FNDC3B: variants seen among roughly 807,000 people sequenced by gnomAD.
FNDC3B encodes fibronectin type III domain containing 3B.
A neutral mutation model predicts 151.5 loss-of-function variants in FNDC3B; 12 were observed. The observed-to-expected ratio is 0.08, with a 90% CI of 0.05 to 0.13. The LOEUF (loss-of-function observed/expected upper bound fraction) is 0.13, where lower values mean the gene tolerates loss of function less well. Among genes scored for constraint, FNDC3B ranks in the 10% least tolerant of loss-of-function variants. FNDC3B has a pLI of 1.00. For missense variants in FNDC3B, 1,214 were observed against 1,505.3 expected (o/e 0.81, Z 3.20); for synonymous variants, 528 against 549.0 (o/e 0.96, Z 0.54).
chr3:172,195,127 T>TA (rs1428273343), intron 3 of FNDC3B, among the ~76,000 whole-genome samples: 1 of 152,212 alleles, frequency 6.6e-6, no homozygotes, highest in Non-Finnish European at 1.5e-5. Flanking sequence ...GATCTTGAGA[T>TA]AAAAACCTAT....
chr3:172,364,257 A>G (rs968279369), intron 23 of FNDC3B, among the ~76,000 whole-genome samples: 2 of 152,210 alleles, frequency 1.3e-5, no homozygotes, highest in African/African-American at 4.8e-5. Context: ...ATTGTGAACT[A>G]ACAGAAATCA....
At chr3:172,293,656 T>C (rs2108838161) in intron 7 of FNDC3B, among the ~76,000 whole-genome samples, 1 of 152,278 alleles carries the variant, frequency 6.6e-6, no homozygotes. Flanking sequence ...TAGAGAAGGC[T>C]ACTGGGAGGT....
chr3:172,173,539 A>AT (rs1723385732), intron 3 of FNDC3B, among the ~76,000 whole-genome samples: 1 of 151,880 alleles, frequency 6.6e-6, no homozygotes, highest in Non-Finnish European at 1.5e-5. Flanking sequence ...TCACACCTGT[A>AT]ATACCAGCAC....
chr3:172,118,586 A>G (rs140119649), intron 2 of FNDC3B, among the ~76,000 whole-genome samples: 17 of 151,930 alleles, frequency 1.1e-4, no homozygotes, highest in Non-Finnish European at 1.8e-4. Context: ...AAATAACATT[A>G]TAGAAGAGCT....
At chr3:172,223,912 T>C (rs6785343) in intron 3 of FNDC3B, among the ~76,000 whole-genome samples, 117,037 of 152,292 alleles carry the variant, frequency 0.77, 45,232 homozygotes, top group African/African-American at 0.81. Context: ...CGCTTTTGCG[T>C]GTAATGAATT....
intron 3 of FNDC3B, among the ~76,000 whole-genome samples, chr3:172,152,179 T>A (rs1432582525): frequency 6.6e-6 from 1 of 152,202 alleles, no homozygotes; most frequent in Non-Finnish European, 1.5e-5. Flanking sequence ...CAATTCCTCT[T>A]CACAAAAATC....
chr3:172,231,080 AAATGT>A (rs1157698658), intron 4 of FNDC3B, among the ~76,000 whole-genome samples: 1 of 152,262 alleles, frequency 6.6e-6, no homozygotes, highest in Non-Finnish European at 1.5e-5. Flanking sequence ...ATGAATAGGT[AAATGT>A]AATATAATAT....
intron 23 of FNDC3B, among the ~76,000 whole-genome samples, chr3:172,369,890 C>T (rs902427987): frequency 1.3e-5 from 2 of 151,744 alleles, no homozygotes; most frequent in Admixed American, 6.6e-5. Context: ...GAGTAACATA[C>T]GAAATTCTCT....
At chr3:172,388,525 A>G (rs1381449233) in intron 25 of FNDC3B, among the ~76,000 whole-genome samples, 3 of 152,252 alleles carry the variant, frequency 2.0e-5, no homozygotes, top group Admixed American at 1.3e-4. Context: ...GGAAAAGCCC[A>G]TAAGGGTGCC....
At chr3:172,313,469 T>C (rs1488275454) in intron 11 of FNDC3B, among the ~76,000 whole-genome samples, 1 of 152,246 alleles carries the variant, frequency 6.6e-6, no homozygotes, top group Non-Finnish European at 1.5e-5. Flanking sequence ...TATTTAGGAT[T>C]GTCTCTTCTG....
At position 172,184,761 on chromosome 3, in the gene FNDC3B, G is replaced by A. The variant is rs561310208; in HGVS notation, c.188-42110G>A. Among the ~76,000 whole-genome samples the A allele has an allele frequency of 5.6e-4, 86 of 152,312 alleles. 1 individual carries two copies. The highest frequency in any genetic ancestry group is 2.0e-3 in the African/African-American group (85 of 41,574). On this transcript the variant is annotated intron_variant, in intron 3 of 25. Coordinates refer to ENST00000415807, the MANE Select transcript of FNDC3B (RefSeq NM_022763.4). Reference sequence around the variant, plus strand: ...CCAGTCATTCAAGTAACAGTTGTAAGGAATTTTCTTTTGGAATTTTCCTTT... The same window carrying A: ...CCAGTCATTCAAGTAACAGTTGTAAAGAATTTTCTTTTGGAATTTTCCTTT...
chr3:172,243,271 G>A (rs1261095099), intron 4 of FNDC3B, among the ~76,000 whole-genome samples: 5 of 152,080 alleles, frequency 3.3e-5, no homozygotes, highest in Non-Finnish European at 5.9e-5. Context: ...CCACATTTTC[G>A]GGTAACTTTT....
At chr3:172,180,456 T>C (rs61629847) in intron 3 of FNDC3B, among the ~76,000 whole-genome samples, 21,603 of 152,244 alleles carry the variant, frequency 0.14, 1,736 homozygotes, top group Non-Finnish European at 0.17. Flanking sequence ...GGTCATGCTG[T>C]GTGTGTGTTT....
rs546767624 is a variant in FNDC3B at position 172,297,932 on chromosome 3, G to A, written c.1002-796G>A. On this transcript the variant is annotated intron_variant, in intron 8 of 25. Transcript: ENST00000415807. Reference sequence around the variant, plus strand: ...TGTTGTCTATATTCCAGCTTTTGTCGCTTGGTCTATAAATAATGCCTGTTA... The same window carrying A: ...TGTTGTCTATATTCCAGCTTTTGTCACTTGGTCTATAAATAATGCCTGTTA... 2.4e-4 allele frequency among the ~76,000 whole-genome samples: 36 copies of A among 152,120 alleles called. No individual in the cohort carries two copies. The South Asian group carries it at 6.2e-3, about 26-fold the overall frequency.
At chr3:172,347,468 T>C (rs1024281543) in intron 21 of FNDC3B, 107 bp downstream of exon 21, 14 of 798,538 alleles carry the variant, frequency 1.8e-5, no homozygotes, top group Non-Finnish European at 2.0e-5. Flanking sequence ...GGAGGGATGA[T>C]ATGGAAAAAA....
In FNDC3B at chr3:172,040,325, GCGGGGGCGGT is replaced by G. The variant is rs1715957226; in HGVS notation, c.-29+562_-29+571del. On this transcript the variant is annotated intron_variant, in intron 1 of 25. Transcript: ENST00000415807. This position sits in a 1 kb window ranked among gnomAD's most constrained non-coding sequence, Gnocchi z 6.6. ...AAGTTGGGGCCGCCTCTCCGCGCCGGCGGGGGCGGTCGGGGGCCTCGAACCCGGGGATGCT... is the reference window on the plus strand; with the variant it reads ...AAGTTGGGGCCGCCTCTCCGCGCCGGCGGGGGCCTCGAACCCGGGGATGCT... Among the ~76,000 whole-genome samples, 1 of 152,042 alleles carries G rather than the reference GCGGGGGCGGT, an allele frequency of 6.6e-6. No individual in the cohort carries two copies. The highest frequency in any genetic ancestry group is 2.4e-5 in the African/African-American group (1 of 41,418).
At chr3:172,324,973 C>T (rs529767326) in intron 11 of FNDC3B, among the ~76,000 whole-genome samples, 3 of 152,294 alleles carry the variant, frequency 2.0e-5, no homozygotes, top group Non-Finnish European at 2.9e-5. Context: ...TTCCCTCAGC[C>T]CTGCGGACCA....
intron 1 of FNDC3B, among the ~76,000 whole-genome samples, chr3:172,102,807 G>C (rs562206543): frequency 1.3e-5 from 2 of 152,190 alleles, no homozygotes; most frequent in Non-Finnish European, 1.5e-5. Flanking sequence ...TTCCTCAAGG[G>C]GCTTTAGAAG....
At chr3:172,259,929 G>A (rs1576848249) in intron 6 of FNDC3B, among the ~76,000 whole-genome samples, 2 of 152,140 alleles carry the variant, frequency 1.3e-5, no homozygotes, top group African/African-American at 4.8e-5. Context: ...AAGACAAAAA[G>A]CATGCAAAAA....
Sources: gnomAD v4.1 joint callset for allele counts (sites outside exome capture counted in the v4.1 genomes callset) on GRCh38, gnomAD v4.1.1 for gene constraint, Gnocchi (gnomAD v3.1) non-coding constraint, MANE v1.5 for transcripts, NCBI Gene and HGNC (gene_info 2026-07-23, HGNC 2026-07-21) for gene names.